ZFR: variants seen among roughly 807,000 people sequenced by gnomAD.
ZFR encodes the protein zinc finger RNA binding protein.
A neutral mutation model predicts 130.7 loss-of-function variants in ZFR; 19 were observed. The ratio of observed to expected loss-of-function variants is 0.15; its 90% CI spans 0.10 to 0.21. The LOEUF is 0.21. ZFR is among the 10% of genes least tolerant of loss of function. The pLI is 1.00. For missense variants in ZFR, 872 were observed against 1,321.5 expected, an observed-to-expected ratio of 0.66 and a Z score of 5.27; for synonymous variants, 466 against 456.9, an observed-to-expected ratio of 1.02 and a Z score of -0.25.
rs571022632 is a variant in ZFR, at chr5:32,435,110, T to A, written c.137+9119A>T. Among the ~76,000 whole-genome samples, 9 of 152,146 alleles carry A rather than the reference T, an allele frequency of 5.9e-5. No individual in the cohort carries two copies. In the South Asian group the frequency reaches 1.9e-3, roughly 32 times the overall value. Reference sequence around the variant, plus strand: ...ATTTTTGTAGAGGCAAGTGGATTGCTTCAGGTCAGGCTGGTGACCTCAATT... The same window carrying A: ...ATTTTTGTAGAGGCAAGTGGATTGCATCAGGTCAGGCTGGTGACCTCAATT... On this transcript the variant is annotated intron_variant, in intron 2 of 19. Transcript: ENST00000265069.
chr5:32,392,812 T>C (rs952240287), intron 11 of ZFR, among the ~76,000 whole-genome samples: 4 of 152,248 alleles, frequency 2.6e-5, no homozygotes, highest in African/African-American at 9.6e-5. Flanking sequence ...CTGGTCAACC[T>C]GGTGAAAGCC....
intron 2 of ZFR, among the ~76,000 whole-genome samples, chr5:32,441,574 G>C (rs781334149): frequency 1.3e-5 from 2 of 150,900 alleles, no homozygotes; most frequent in Non-Finnish European, 2.9e-5. Flanking sequence ...AGATTTTCCT[G>C]AGTTTGAGAT....
intron 11 of ZFR, 130 bp downstream of exon 11, chr5:32,395,029 C>A: frequency 7.8e-7 from 1 of 1,285,354 alleles, no homozygotes; most frequent in Admixed American, 2.8e-5. Context: ...GACCTAGGAT[C>A]TTCCTCAAGA....
Position 32,397,747 on chromosome 5 carries a change from G to A in ZFR, c.1714-409C>T, listed in dbSNP as rs547536814. ...TGGGATTACAGGCATGAGCCACTGC[G>A]CCTGGCCTATTACTTTTTAAAAGGA... On this transcript the variant is annotated intron_variant, in intron 9 of 19. Coordinates refer to ENST00000265069, the MANE Select transcript of ZFR (RefSeq NM_016107.5). Among the ~76,000 whole-genome samples the A allele has an allele frequency of 7.3e-5, 11 of 151,672 alleles. No individual in the cohort carries two copies. The East Asian group carries it at 2.1e-3, about 29-fold the overall frequency.
Position 32,377,933 on chromosome 5 carries a change from C to T in ZFR, c.2835+1182G>A, listed in dbSNP as rs186788257. ...TCTCGAACTCCTGACCTCAGTGATC[C>T]GCCCGCCTCGGCCTCCCAAAGTGTT... On this transcript the variant is annotated intron_variant, in intron 17 of 19. Transcript: ENST00000265069. Among the ~76,000 whole-genome samples, 536 of 152,228 alleles carry T rather than the reference C, an allele frequency of 3.5e-3. 2 individuals are homozygous for T. The highest frequency in any genetic ancestry group is 0.012 in the African/African-American group (508 of 41,542).
chr5:32,360,777 C>T (rs1024385626), intron 19 of ZFR, among the ~76,000 whole-genome samples: 11 of 152,064 alleles, frequency 7.2e-5, no homozygotes, highest in African/African-American at 2.2e-4. Context: ...TTTTTTTAAG[C>T]GATGAGGTCT....
At chr5:32,420,697 A>T (rs1399405866) in intron 2 of ZFR, among the ~76,000 whole-genome samples, 3 of 152,180 alleles carry the variant, frequency 2.0e-5, no homozygotes, top group Admixed American at 6.5e-5. Flanking sequence ...ACTGCAGAGG[A>T]GGTGGTGATA....
chr5:32,405,677 C>G (rs956186076), intron 6 of ZFR, among the ~76,000 whole-genome samples: 18 of 152,184 alleles, frequency 1.2e-4, no homozygotes, highest in Non-Finnish European at 4.4e-5. Flanking sequence ...TAAGACCGCC[C>G]ATCATTCTTG....
chr5:32,414,930 A>C (rs1170436931), intron 5 of ZFR, 39 bp downstream of exon 5: 1 of 1,549,946 alleles, frequency 6.5e-7, no homozygotes, highest in African/African-American at 1.4e-5. Flanking sequence ...GTCTCTTCCT[A>C]ATTTGTTTAC....
intron 11 of ZFR, among the ~76,000 whole-genome samples, chr5:32,393,383 G>C (rs1440695505): frequency 7.2e-6 from 1 of 139,352 alleles, no homozygotes; most frequent in South Asian, 2.2e-4. Flanking sequence ...TGTTCTTGTT[G>C]CCCAGGCTGG....
chr5:32,404,425 TA>T (rs1753535178), intron 6 of ZFR, among the ~76,000 whole-genome samples: 1 of 152,194 alleles, frequency 6.6e-6, no homozygotes, highest in South Asian at 2.1e-4. Flanking sequence ...GATCATTCCA[TA>T]AAGAAATTAT....
At chr5:32,410,946 G>A (rs1187954582) in intron 5 of ZFR, among the ~76,000 whole-genome samples, 1 of 152,192 alleles carries the variant, frequency 6.6e-6, no homozygotes, top group Non-Finnish European at 1.5e-5. Flanking sequence ...GGAAACAAGT[G>A]GGCAAATGTA....
chr5:32,358,698 C>CT (rs929666747), intron 19 of ZFR, among the ~76,000 whole-genome samples: 13 of 148,798 alleles, frequency 8.7e-5, no homozygotes, highest in South Asian at 2.3e-4. Context: ...TTTTAATTAA[C>CT]TTTTTTTTTA....
At position 32,355,286 on chromosome 5, in the gene ZFR, G is replaced by A. The variant is rs1276140894; in HGVS notation, c.*474C>T. On this transcript the variant is annotated 3_prime_UTR_variant, in exon 20 of 20. Transcript: ENST00000265069. ...CTGCAGTCTCACGTTACAAAAAAACGTACTGCTGTAAAATATTAAGAAGGG... is the reference window on the plus strand; with the variant it reads ...CTGCAGTCTCACGTTACAAAAAAACATACTGCTGTAAAATATTAAGAAGGG... 2 of 150,288 alleles carry A rather than the reference G, an allele frequency of 1.3e-5. No individual in the cohort carries two copies. The highest frequency in any genetic ancestry group is 3.2e-3 in the Middle Eastern group (1 of 316). The allele number at this position is 150,288 out of a possible 1,614,324, so 9.3% of individuals were successfully genotyped here.
chr5:32,418,524 G>A (rs1753882847), intron 3 of ZFR, among the ~76,000 whole-genome samples: 3 of 152,168 alleles, frequency 2.0e-5, no homozygotes. Context: ...GGCAGTCCAT[G>A]AAGTAAAGAG....
chr5:32,372,976 C>T (rs1343267196), intron 17 of ZFR, among the ~76,000 whole-genome samples: 1 of 152,076 alleles, frequency 6.6e-6, no homozygotes, highest in African/African-American at 2.4e-5. Context: ...TATTAGGCAA[C>T]AAAAAAACCC....
chr5:32,395,205 ACTC>A lies in ZFR; in HGVS notation c.1930_1932del (p.Glu644del), dbSNP rs1202847652. 1.2e-6 allele frequency: 2 copies of A among 1,608,560 alleles called. No homozygotes were observed. The highest frequency in any genetic ancestry group is 4.5e-5 in the East Asian group (2 of 44,436). ...TCCTCTTCTTCTCGTCTTCGCCAGT[ACTC>A]CTCCTTCTGCATTTGCTTCCTCATT... On this transcript the variant is annotated inframe_deletion, in exon 11 of 20. Coordinates refer to ENST00000265069, the MANE Select transcript of ZFR (RefSeq NM_016107.5).
At chr5:32,408,510 T>C (rs905595657) in intron 5 of ZFR, among the ~76,000 whole-genome samples, 3 of 152,176 alleles carry the variant, frequency 2.0e-5, no homozygotes, top group Non-Finnish European at 4.4e-5. Context: ...GTAAAAATCA[T>C]GATCCTACTT....
chr5:32,419,751 G>A lies in ZFR; in HGVS notation c.420+70C>T, dbSNP rs559637195. ...CCCAAGTTTGAGAAGCAATGGCTAG[G>A]GCATTACATTATACACTGAAGACAA... On this transcript the variant is annotated intron_variant, in intron 3 of 19. Coordinates refer to ENST00000265069, the MANE Select transcript of ZFR (RefSeq NM_016107.5). 8 of 1,504,472 alleles carry A rather than the reference G, an allele frequency of 5.3e-6. No homozygotes were observed. The African/African-American group carries it at 8.4e-5, about 16-fold the overall frequency. 93.2% of individuals were successfully genotyped at this position (1,504,472 alleles called of 1,614,324 possible). A position where few individuals can be genotyped will look rare whatever the true frequency, so the allele number is the denominator to read the frequency against.
Sources: gnomAD v4.1 joint callset for allele counts (sites outside exome capture counted in the v4.1 genomes callset) on GRCh38, gnomAD v4.1.1 for gene constraint, MANE v1.5 for transcripts, NCBI Gene and HGNC (gene_info 2026-07-23, HGNC 2026-07-21) for gene names.